Variants in LRRC7 observed in about 807,000 individuals in gnomAD.
LRRC7 encodes leucine-rich repeat-containing protein 7.
In LRRC7, 23 loss-of-function variants were observed where a neutral mutation model predicts 175.7. That is an observed-to-expected ratio of 0.13 (90% CI 0.09 to 0.19). The LOEUF is 0.19. Ranked by LOEUF, LRRC7 falls within the 10% of genes least tolerant of loss-of-function variation. The pLI, the probability that LRRC7 is intolerant of heterozygous loss-of-function variation, is 1.00. For synonymous variants in LRRC7, 685 were observed against 680.9 expected, an observed-to-expected ratio of 1.01 and a Z score of -0.09; for missense variants, 1,354 against 1,904.7, an observed-to-expected ratio of 0.71 and a Z score of 5.38.
intron 2 of LRRC7, among the ~76,000 whole-genome samples, chr1:69,726,244 A>G (rs1245846137): frequency 6.6e-6 from 1 of 152,190 alleles, no homozygotes; most frequent in Non-Finnish European, 1.5e-5. Context: ...CTATTTCTAT[A>G]TGACTTGAAG....
intron 2 of LRRC7, among the ~76,000 whole-genome samples, chr1:69,754,577 AT>A (rs1670198315): frequency 6.6e-6 from 1 of 152,032 alleles, no homozygotes; most frequent in Non-Finnish European, 1.5e-5. Context: ...TGAAGATACA[AT>A]TTTAAGTGTT....
At chr1:69,597,749 G>C (rs1569818135) in intron 1 of LRRC7, among the ~76,000 whole-genome samples, 1 of 152,204 alleles carries the variant, frequency 6.6e-6, no homozygotes, top group African/African-American at 2.4e-5. Context: ...CATTCTTCTA[G>C]ATAGACATCT....
intron 2 of LRRC7, among the ~76,000 whole-genome samples, chr1:69,717,825 AG>A (rs780024672): frequency 0.011 from 653 of 57,752 alleles, 17 homozygotes; most frequent in East Asian, 0.014. Flanking sequence ...AAAGAAAGAA[AG>A]AAAGAAAGAA....
At chr1:70,101,146 A>G (rs1664777227) in intron 25 of LRRC7, among the ~76,000 whole-genome samples, 1 of 152,258 alleles carries the variant, frequency 6.6e-6, no homozygotes, top group Admixed American at 6.5e-5. Flanking sequence ...TTTTAGAAAA[A>G]AAGTTTCCCC....
At chr1:69,743,810 G>A (rs1668972194) in intron 2 of LRRC7, among the ~76,000 whole-genome samples, 1 of 151,824 alleles carries the variant, frequency 6.6e-6, no homozygotes, top group Non-Finnish European at 1.5e-5. Context: ...TCTGTACAGA[G>A]GGAAAAACTT....
At chr1:69,832,309 C>T (rs1431359101) in intron 5 of LRRC7, among the ~76,000 whole-genome samples, 2 of 151,934 alleles carry the variant, frequency 1.3e-5, no homozygotes, top group Admixed American at 6.6e-5. Context: ...ACATTAATTC[C>T]ATGGAACTTG....
At chr1:70,052,319 T>C (rs1049178104) in intron 22 of LRRC7, among the ~76,000 whole-genome samples, 2 of 152,070 alleles carry the variant, frequency 1.3e-5, no homozygotes, top group African/African-American at 4.8e-5. Flanking sequence ...TTAAAAATAA[T>C]AAGCATGAAA....
chr1:69,878,125 T>C (rs189364717), intron 7 of LRRC7, among the ~76,000 whole-genome samples: 1 of 152,308 alleles, frequency 6.6e-6, no homozygotes, highest in African/African-American at 2.4e-5. Context: ...TGAACTGTAT[T>C]GCCTTCCTAC....
At chr1:69,932,759 A>C (rs1647516951) in intron 8 of LRRC7, among the ~76,000 whole-genome samples, 1 of 152,150 alleles carries the variant, frequency 6.6e-6, no homozygotes, top group Non-Finnish European at 1.5e-5. Context: ...TTCCTCCCTA[A>C]GATGGAATTT....
At chr1:70,030,047 A>G (rs1658545492) in intron 18 of LRRC7, among the ~76,000 whole-genome samples, 1 of 151,962 alleles carries the variant, frequency 6.6e-6, no homozygotes, top group Non-Finnish European at 1.5e-5. Context: ...ATCTCTTCCA[A>G]ATAATTACCA....
rs564698163 is a variant in LRRC7, at chr1:69,957,801, A to G, written c.712-22578A>G. Among the ~76,000 whole-genome samples the G allele has an allele frequency of 1.2e-4, 19 of 152,120 alleles. No homozygotes were observed. In the South Asian group the frequency reaches 3.7e-3, roughly 30 times the overall value. ...ACAATAGTTATAGAATTATCAGTAA[A>G]AAGAAATTTCAGGTTACTGGTTTGC... On this transcript the variant is annotated intron_variant, in intron 8 of 26. Coordinates refer to ENST00000651989, the MANE Select transcript of LRRC7 (RefSeq NM_001370785.2).
chr1:69,751,231 C>A lies in LRRC7; in HGVS notation c.101-8960C>A, dbSNP rs910914703. On this transcript the variant is annotated intron_variant, in intron 2 of 26. Transcript: ENST00000651989. ...ATTTGATGCTCATCTCTCTTACTATCCAATAAATTCAGTAGAGCAGGCACC... is the reference window on the plus strand; with the variant it reads ...ATTTGATGCTCATCTCTCTTACTATACAATAAATTCAGTAGAGCAGGCACC... 1.0e-3 allele frequency among the ~76,000 whole-genome samples: 158 copies of A among 152,190 alleles called. 1 individual carries two copies. Among genetic ancestry groups the A allele is most frequent in the Non-Finnish European group, 5.1e-4 (35 of 68,012 alleles).
intron 8 of LRRC7, among the ~76,000 whole-genome samples, chr1:69,964,405 C>G (rs1365715162): frequency 3.9e-5 from 6 of 152,154 alleles, no homozygotes; most frequent in Non-Finnish European, 8.8e-5. Context: ...TGAACTCAGT[C>G]CACCTCCTGA....
intron 5 of LRRC7, among the ~76,000 whole-genome samples, chr1:69,829,373 G>A (rs917586751): frequency 8.6e-5 from 13 of 151,798 alleles, no homozygotes; most frequent in Non-Finnish European, 1.9e-4. Flanking sequence ...TACATTTTGG[G>A]TGGGCACATG....
At position 69,838,207 on chromosome 1, in the gene LRRC7, T is replaced by G; in HGVS notation, c.591-20T>G. The G allele has an allele frequency of 6.3e-7, 1 of 1,597,488 alleles. No homozygotes were observed. Among genetic ancestry groups the G allele is most frequent in the Non-Finnish European group, 8.6e-7 (1 of 1,167,110 alleles). On this transcript the variant is annotated intron_variant, in intron 6 of 26. Coordinates refer to ENST00000651989, the MANE Select transcript of LRRC7 (RefSeq NM_001370785.2). ...TAGACAGACATACTAAGAGGAAATT[T>G]TTAAAATTCATTTCTGTAGACTTGT... is the stretch of plus-strand genomic sequence containing the variant.
At chr1:69,717,841 A>AGAAAGAAAGAAAAAAGAAAGAAAGGAAAG (rs754934916) in intron 2 of LRRC7, among the ~76,000 whole-genome samples, 1 of 19,330 alleles carries the variant, frequency 5.2e-5, no homozygotes, top group African/African-American at 4.3e-4. Context: ...AAAGAAAGAA[A>AGAAAGAAAGAAAAAAGAAAGAAAGGAAAG]AAAGAAAGAA....
intron 1 of LRRC7, among the ~76,000 whole-genome samples, chr1:69,618,581 A>G (rs904723385): frequency 1.3e-5 from 2 of 152,162 alleles, no homozygotes; most frequent in African/African-American, 4.8e-5. Flanking sequence ...CTTTATTGCA[A>G]GAAGCCTACA....
chr1:69,905,643 A>C (rs1570588671), intron 7 of LRRC7, among the ~76,000 whole-genome samples: 2 of 152,074 alleles, frequency 1.3e-5, no homozygotes, highest in African/African-American at 4.8e-5. Flanking sequence ...ACATTTTCTT[A>C]ATCCAGTCTA....
At position 70,039,398 on chromosome 1, in the gene LRRC7, C is replaced by T. The variant is rs770065143; in HGVS notation, c.3574C>T (p.Arg1192Cys). The T allele has an allele frequency of 6.8e-6, 11 of 1,613,956 alleles. No individual in the cohort carries two copies. In the African/African-American group the frequency reaches 9.3e-5, roughly 14 times the overall value. ...ACCCCCATATAGGGGAGGGCTGGAT[C>T]GCCAAAGCAGCGTTACAGTGACTGA... ...GRPPYRGGLD[R>C]QSSVTVTESQ... is the part of the protein sequence containing the mutation. Residue 1192 changes from arginine (R) to cysteine (C), a missense_variant, in exon 21 of 27, where the codon CGC becomes TGC. Coordinates refer to ENST00000651989, the MANE Select transcript of LRRC7 (RefSeq NM_001370785.2).
Sources: allele counts gnomAD v4.1 joint callset (sites outside exome capture counted in the v4.1 genomes callset), GRCh38; gene constraint gnomAD v4.1.1; transcripts MANE v1.5; gene names NCBI Gene and HGNC (gene_info 2026-07-23, HGNC 2026-07-21).